PTPRD: variants seen among roughly 807,000 people sequenced by gnomAD.
PTPRD encodes protein tyrosine phosphatase receptor type D, also known as receptor-type tyrosine-protein phosphatase delta.
In PTPRD, 34 loss-of-function variants were observed where a neutral mutation model predicts 214.5. That is an observed-to-expected ratio of 0.16 (90% CI 0.12 to 0.21). The LOEUF is 0.21. Ranked by LOEUF, PTPRD falls within the 10% of genes least tolerant of loss-of-function variation. The pLI, the probability that PTPRD is intolerant of heterozygous loss-of-function variation, is 1.00. For synonymous variants in PTPRD, 1,128 were observed against 845.7 expected (o/e 1.33, Z -5.79); for missense variants, 2,545 against 2,398.7 (o/e 1.06, Z -1.27).
chr9:10,207,678 G>C (rs1397193148), intron 3 of PTPRD, among the ~76,000 whole-genome samples: 4 of 151,582 alleles, frequency 2.6e-5, no homozygotes, highest in Non-Finnish European at 5.9e-5. Flanking sequence ...TAAAGAGCAA[G>C]AAACTTGTCA....
At chr9:9,184,541 C>T (rs983644442) in intron 9 of PTPRD, among the ~76,000 whole-genome samples, 3 of 152,066 alleles carry the variant, frequency 2.0e-5, no homozygotes, top group Non-Finnish European at 4.4e-5. Flanking sequence ...CATAGATGAG[C>T]ATTCGTCACC....
chr9:10,483,288 A>G (rs1262471662), intron 2 of PTPRD, among the ~76,000 whole-genome samples: 1 of 152,128 alleles, frequency 6.6e-6, no homozygotes, highest in African/African-American at 2.4e-5. Flanking sequence ...TGAACTCAAG[A>G]TGGATTAAAG....
intron 12 of PTPRD, among the ~76,000 whole-genome samples, chr9:8,717,452 T>G (rs566080570): frequency 6.6e-6 from 1 of 152,234 alleles, no homozygotes; most frequent in South Asian, 2.1e-4. Context: ...ACAGTTCAGA[T>G]CCTCAAGACC....
rs1465996785 is a variant in PTPRD, at chr9:10,028,231, G to A, written c.-472+5487C>T. 7.2e-5 allele frequency among the ~76,000 whole-genome samples: 11 copies of A among 152,258 alleles called. No homozygotes were observed. The East Asian group carries it at 1.4e-3, about 19-fold the overall frequency. On this transcript the variant is annotated intron_variant, in intron 4 of 45. Coordinates refer to ENST00000381196, the MANE Select transcript of PTPRD (RefSeq NM_002839.4). ...ATGCGTTTCACCTTCTGCCATGATC[G>A]TGAGGCCTCCCCAGCCATGTGGAAC...
At chr9:9,057,617 C>T (rs1047438037) in intron 10 of PTPRD, among the ~76,000 whole-genome samples, 2 of 151,992 alleles carry the variant, frequency 1.3e-5, no homozygotes, top group African/African-American at 4.8e-5. Flanking sequence ...TGACATGTTA[C>T]CGTAATAATT....
chr9:9,447,692 G>T (rs1054337935), intron 8 of PTPRD, among the ~76,000 whole-genome samples: 4 of 151,956 alleles, frequency 2.6e-5, no homozygotes, highest in African/African-American at 4.8e-5. Flanking sequence ...AGTTCTCAAG[G>T]GACTTCTACA....
At chr9:9,236,348 A>C (rs1056087710) in intron 9 of PTPRD, among the ~76,000 whole-genome samples, 16 of 152,260 alleles carry the variant, frequency 1.1e-4, no homozygotes, top group African/African-American at 3.8e-4. Flanking sequence ...GGGAAAATCA[A>C]ATTTAAAAAT....
At chr9:9,290,932 T>C (rs1950956215) in intron 9 of PTPRD, among the ~76,000 whole-genome samples, 1 of 151,394 alleles carries the variant, frequency 6.6e-6, no homozygotes, top group Non-Finnish European at 1.5e-5. Flanking sequence ...TTTTAAAATA[T>C]GAATTGGTCA....
chr9:10,550,616 A>G (rs2061110522), intron 2 of PTPRD, among the ~76,000 whole-genome samples: 1 of 152,204 alleles, frequency 6.6e-6, no homozygotes, highest in Admixed American at 6.5e-5. Flanking sequence ...CCATTGGTTG[A>G]AAATGGTCCT....
chr9:9,587,834 G>T (rs932247903), intron 7 of PTPRD, among the ~76,000 whole-genome samples: 1 of 151,998 alleles, frequency 6.6e-6, no homozygotes, highest in African/African-American at 2.4e-5. Context: ...ATGGTAAATA[G>T]TAGGGACTGG....
At chr9:10,319,001 C>A (rs145109829) in intron 3 of PTPRD, among the ~76,000 whole-genome samples, 1 of 151,938 alleles carries the variant, frequency 6.6e-6, no homozygotes, top group Non-Finnish European at 1.5e-5. Context: ...CTGCTTTTCC[C>A]TCTCCTTCTT....
intron 6 of PTPRD, among the ~76,000 whole-genome samples, chr9:9,766,019 G>A (rs1215519994): frequency 2.0e-5 from 3 of 152,150 alleles, no homozygotes; most frequent in African/African-American, 7.2e-5. Context: ...TCTCTTTAGA[G>A]AAGCCGTGAT....
intron 25 of PTPRD, 53 bp from the exon 26 acceptor site, chr9:8,497,321 T>A: frequency 6.7e-7 from 1 of 1,493,724 alleles, no homozygotes; most frequent in South Asian, 1.3e-5. Flanking sequence ...GAAAAAGAAT[T>A]TAAAGCCTTA....
chr9:9,023,577 T>C (rs1589980322), intron 10 of PTPRD, among the ~76,000 whole-genome samples: 1 of 152,080 alleles, frequency 6.6e-6, no homozygotes, highest in Non-Finnish European at 1.5e-5. Flanking sequence ...GGGGTCCATG[T>C]GCAGGTTTGT....
chr9:10,130,193 T>C (rs2098849769), intron 3 of PTPRD, among the ~76,000 whole-genome samples: 4 of 151,702 alleles, frequency 2.6e-5, no homozygotes. Context: ...TTTTTGGCTC[T>C]TTCTTATCTA....
chr9:10,122,011 T>C (rs927302611), intron 3 of PTPRD, among the ~76,000 whole-genome samples: 2 of 152,162 alleles, frequency 1.3e-5, no homozygotes, highest in African/African-American at 2.4e-5. Context: ...TTTATGTACT[T>C]AAACTTAAGT....
intron 14 of PTPRD, among the ~76,000 whole-genome samples, chr9:8,606,254 C>A (rs956526629): frequency 8.5e-5 from 13 of 152,060 alleles, no homozygotes; most frequent in Non-Finnish European, 1.6e-4. Context: ...CACACACACA[C>A]CCCCTCACAG....
At chr9:8,601,612 C>G (rs1325027614) in intron 14 of PTPRD, among the ~76,000 whole-genome samples, 1 of 152,114 alleles carries the variant, frequency 6.6e-6, no homozygotes, top group African/African-American at 2.4e-5. Context: ...ATGCACAGAA[C>G]TTTTCTGGAG....
chr9:9,998,711 T>C (rs1364309417), intron 4 of PTPRD, among the ~76,000 whole-genome samples: 2 of 152,128 alleles, frequency 1.3e-5, no homozygotes, highest in Non-Finnish European at 2.9e-5. Context: ...AAGCAGTAGT[T>C]GCTCTAAATA....
Sources: allele counts gnomAD v4.1 joint callset (sites outside exome capture counted in the v4.1 genomes callset), GRCh38; gene constraint gnomAD v4.1.1; transcripts MANE v1.5; gene names NCBI Gene and HGNC (gene_info 2026-07-23, HGNC 2026-07-21).